Variants in R3HDM2 observed in about 807,000 individuals in gnomAD.
R3HDM2 encodes R3H domain-containing protein 2.
A neutral mutation model predicts 124.5 loss-of-function variants in R3HDM2; 38 were observed. That is an observed-to-expected ratio of 0.31 (90% CI 0.24 to 0.40). The LOEUF is 0.40. Ranked by LOEUF, R3HDM2 falls within the 10% of genes least tolerant of loss-of-function variation. The probability of loss-of-function intolerance (pLI) is 1.00; values close to 1 mark genes in which losing one functional copy is unlikely to be tolerated. For missense variants in R3HDM2, 869 were observed against 1,236.9 expected (o/e 0.70, Z 4.46); for synonymous variants, 391 against 448.0 (o/e 0.87, Z 1.61).
intron 7 of R3HDM2, 162 bp downstream of exon 7, chr12:57,297,928 G>T: frequency 1.6e-6 from 1 of 620,874 alleles, no homozygotes; most frequent in African/African-American, 1.9e-5. Context: ...AGAGTATTTT[G>T]AATCCCTCAC....
At chr12:57,306,002 G>C (rs1414715013) in intron 3 of R3HDM2, among the ~76,000 whole-genome samples, 1 of 152,224 alleles carries the variant, frequency 6.6e-6, no homozygotes, top group East Asian at 1.9e-4. Flanking sequence ...CATCTGGATT[G>C]AGTTTTGAAG....
chr12:57,384,713 T>G (rs1440773280), intron 2 of R3HDM2, among the ~76,000 whole-genome samples: 1 of 152,148 alleles, frequency 6.6e-6, no homozygotes, highest in East Asian at 1.9e-4. Flanking sequence ...CTAATAAAGC[T>G]GTAAGAAACT....
intron 1 of R3HDM2, 74 bp from the exon 2 acceptor site, chr12:57,395,892 A>G (rs2138834768): frequency 3.2e-6 from 2 of 625,388 alleles, no homozygotes; most frequent in African/African-American, 4.0e-5. Context: ...TCCAATTCAA[A>G]ATCCACAGCA....
chr12:57,264,932 C>T (rs556132569), intron 19 of R3HDM2, among the ~76,000 whole-genome samples: 237 of 152,266 alleles, frequency 1.6e-3, no homozygotes, highest in Non-Finnish European at 2.9e-3. Context: ...CCACTGCACA[C>T]AGTCCCCTAA....
chr12:57,322,171 G>A (rs943279816), intron 2 of R3HDM2, among the ~76,000 whole-genome samples: 9 of 152,248 alleles, frequency 5.9e-5, no homozygotes, highest in South Asian at 2.1e-4. Context: ...AGCCAAGATC[G>A]CGCCACTGCA....
chr12:57,388,212 G>A (rs535918975), intron 2 of R3HDM2, among the ~76,000 whole-genome samples: 10 of 152,196 alleles, frequency 6.6e-5, no homozygotes, highest in South Asian at 4.1e-4. Context: ...TGATCTGCCC[G>A]CCTCAGCCTC....
intron 1 of R3HDM2, among the ~76,000 whole-genome samples, chr12:57,418,852 T>G (rs2069908114): frequency 1.3e-5 from 2 of 152,194 alleles, no homozygotes; most frequent in Admixed American, 1.3e-4. Context: ...CATGAGTCAC[T>G]GCACTCGGCC....
At chr12:57,384,281 G>A (rs1233874944) in intron 2 of R3HDM2, among the ~76,000 whole-genome samples, 4 of 151,600 alleles carry the variant, frequency 2.6e-5, no homozygotes, top group African/African-American at 4.8e-5. Context: ...GTGAACCCGG[G>A]AGGCAGAGCT....
chr12:57,335,473 A>G (rs1446116942), intron 2 of R3HDM2, among the ~76,000 whole-genome samples: 1 of 142,102 alleles, frequency 7.0e-6, no homozygotes, highest in Admixed American at 7.1e-5. Context: ...TACAGGCGTG[A>G]GCCATCACGC....
At chr12:57,258,857 C>A (rs1475938281) in intron 20 of R3HDM2, 33 bp downstream of exon 20, 2 of 1,470,976 alleles carry the variant, frequency 1.4e-6, no homozygotes, top group Non-Finnish European at 1.8e-6. Context: ...ACGGTCATCT[C>A]CTTGCCAAGA....
intron 13 of R3HDM2, among the ~76,000 whole-genome samples, chr12:57,281,768 G>T (rs1442916556): frequency 1.3e-5 from 2 of 151,466 alleles, no homozygotes; most frequent in African/African-American, 2.4e-5. Context: ...TTACAGGTGT[G>T]AGCCACCATG....
chr12:57,354,478 G>C (rs1329331557), intron 2 of R3HDM2, among the ~76,000 whole-genome samples: 3 of 151,714 alleles, frequency 2.0e-5, no homozygotes, highest in Admixed American at 6.6e-5. Flanking sequence ...ATTTTTAGTA[G>C]AGATGGGGTT....
Position 57,401,279 on chromosome 12 carries a change from G to A in R3HDM2, c.-105-5461C>T, listed in dbSNP as rs73344021. Among the ~76,000 whole-genome samples the A allele has an allele frequency of 2.1e-3, 321 of 151,850 alleles. 1 individual carries two copies. Among genetic ancestry groups the A allele is most frequent in the African/African-American group, 7.4e-3 (307 of 41,410 alleles). ...CAGAGTGCAGCATGAATGACACTGC[G>A]ACCACCGAGCCCAGGCCTCAAGAGG... On this transcript the variant is annotated intron_variant, in intron 1 of 23. Transcript: ENST00000402412.
intron 1 of R3HDM2, among the ~76,000 whole-genome samples, chr12:57,405,984 G>T (rs1414390514): frequency 6.6e-6 from 1 of 152,030 alleles, no homozygotes; most frequent in African/African-American, 2.4e-5. Flanking sequence ...ACTTGAAGAG[G>T]TTCCCATTTG....
intron 14 of R3HDM2, 50 bp from the exon 15 acceptor site, chr12:57,270,044 T>A: frequency 1.2e-6 from 2 of 1,603,506 alleles, no homozygotes; most frequent in Non-Finnish European, 1.7e-6. Flanking sequence ...AAACCTCATG[T>A]CTTTGGCTTC....
At chr12:57,327,670 CAGAAG>C (rs1291338425) in intron 2 of R3HDM2, among the ~76,000 whole-genome samples, 2 of 152,032 alleles carry the variant, frequency 1.3e-5, no homozygotes, top group African/African-American at 4.8e-5. Flanking sequence ...GCAACCCTTG[CAGAAG>C]ACTTTGAGGG....
rs751704035 is a variant in R3HDM2 at position 57,271,676 on chromosome 12, G to C, written c.1345-1682C>G. 1.8e-3 allele frequency among the ~76,000 whole-genome samples: 278 copies of C among 152,288 alleles called. 3 individuals are homozygous for C. Among genetic ancestry groups the C allele is most frequent in the Non-Finnish European group, 1.9e-3 (128 of 68,018 alleles). The stretch of plus-strand genomic sequence containing the variant: ...GGGAGAGGATTCTAGAGAAAAAGTA[G>C]ATGTTAAGACAGAGCAAAACAATTC... On this transcript the variant is annotated intron_variant, in intron 14 of 23. Coordinates refer to ENST00000402412, the MANE Select transcript of R3HDM2 (RefSeq NM_001394031.1).
At chr12:57,418,442 T>C in intron 1 of R3HDM2, 1 of 541,374 alleles carries the variant, frequency 1.8e-6, no homozygotes, top group Non-Finnish European at 2.4e-6. Context: ...ACTAAAAGTC[T>C]TTAGCCTATC....
chr12:57,266,927 A>C (rs1452989532), intron 18 of R3HDM2, 96 bp from the exon 19 acceptor site: 19 of 884,062 alleles, frequency 2.1e-5, no homozygotes, highest in African/African-American at 3.4e-5. Flanking sequence ...CCCTATGGGA[A>C]GGAGAGGCAA....
Sources: allele counts gnomAD v4.1 joint callset (sites outside exome capture counted in the v4.1 genomes callset), GRCh38; gene constraint gnomAD v4.1.1; transcripts MANE v1.5; gene names NCBI Gene and HGNC (gene_info 2026-07-23, HGNC 2026-07-21).